The following DCDC1 variants were observed in gnomAD, a reference collection of about 807,000 sequenced individuals.
The protein encoded by DCDC1 is doublecortin domain containing 1, also known as doublecortin domain-containing protein 1.
DCDC1 carries 200 observed loss-of-function variants against 178.3 expected under a neutral mutation model. That is an observed-to-expected ratio of 1.12 (90% CI 1.00 to 1.26). The LOEUF (loss-of-function observed/expected upper bound fraction) is 1.26. Among genes scored for constraint, DCDC1 ranks in the 50% most tolerant of loss-of-function variants. The pLI is 0.00. For synonymous variants in DCDC1, 690 were observed against 604.8 expected (o/e 1.14, Z -2.07); for missense variants, 1,983 against 1,749.2 (o/e 1.13, Z -2.38).
At chr11:30,911,067 G>T (rs945556729) in intron 28 of DCDC1, among the ~76,000 whole-genome samples, 14 of 152,068 alleles carry the variant, frequency 9.2e-5, no homozygotes, top group Admixed American at 8.5e-4. Flanking sequence ...TCTCATGCTT[G>T]CCATTGGGTT....
Position 31,094,250 on chromosome 11 carries a change from T to C in DCDC1, c.1984-66A>G, listed in dbSNP as rs968371503. On this transcript the variant is annotated intron_variant, in intron 15 of 38. Coordinates refer to ENST00000684477, the MANE Select transcript of DCDC1 (RefSeq NM_001387274.1). Reference sequence around the variant, plus strand: ...TAAGAGTTAAACTCCTCAACACACTTACCCAAAATAAGTTATCCTAGAACA... The same window carrying C: ...TAAGAGTTAAACTCCTCAACACACTCACCCAAAATAAGTTATCCTAGAACA... 4.2e-5 allele frequency: 31 copies of C among 734,384 alleles called. No homozygotes were observed. In the Admixed American group the frequency reaches 4.8e-4, roughly 11 times the overall value. The allele number at this position is 734,384 out of a possible 1,614,324, so 45.5% of individuals were successfully genotyped here.
chr11:30,889,597 A>G (rs890753788), intron 36 of DCDC1, among the ~76,000 whole-genome samples: 4 of 152,122 alleles, frequency 2.6e-5, no homozygotes, highest in African/African-American at 9.7e-5. Flanking sequence ...CTCCAGAGGT[A>G]TTTTATACAG....
In DCDC1 at chr11:31,104,532, A is replaced by G. The variant is rs915451481; in HGVS notation, c.1752-763T>C. Among the ~76,000 whole-genome samples the G allele has an allele frequency of 3.3e-5, 5 of 152,180 alleles. No homozygotes were observed. In the South Asian group the frequency reaches 1.0e-3, roughly 31 times the overall value. On this transcript the variant is annotated intron_variant, in intron 13 of 38. Coordinates refer to ENST00000684477, the MANE Select transcript of DCDC1 (RefSeq NM_001387274.1). ...ACAAAAGATTAAAAGAATATTCTAG[A>G]TTAAAGACAACTAAAGAAAATAACT...
At chr11:31,174,028 G>C (rs1300456868) in intron 9 of DCDC1, among the ~76,000 whole-genome samples, 1 of 152,164 alleles carries the variant, frequency 6.6e-6, no homozygotes, top group African/African-American at 2.4e-5. Context: ...ACCCTTCTGA[G>C]TTTTCAGGGC....
intron 21 of DCDC1, among the ~76,000 whole-genome samples, chr11:30,938,635 T>A (rs1947430324): frequency 6.6e-6 from 1 of 152,210 alleles, no homozygotes; most frequent in South Asian, 2.1e-4. Context: ...TGGGGTTTTA[T>A]TATTCACATA....
At chr11:30,989,801 G>A (rs1950872167) in intron 20 of DCDC1, among the ~76,000 whole-genome samples, 1 of 152,110 alleles carries the variant, frequency 6.6e-6, no homozygotes, top group Non-Finnish European at 1.5e-5. Context: ...TGAATGCTGT[G>A]GGATGCCAAA....
chr11:31,227,149 T>C (rs578175293), intron 9 of DCDC1, among the ~76,000 whole-genome samples: 2 of 152,178 alleles, frequency 1.3e-5, no homozygotes, highest in East Asian at 1.9e-4. Flanking sequence ...TTAGGCCATT[T>C]TTGCATTGCT....
intron 9 of DCDC1, among the ~76,000 whole-genome samples, chr11:31,168,764 C>T (rs1384138299): frequency 6.6e-6 from 1 of 151,362 alleles, no homozygotes; most frequent in Non-Finnish European, 1.5e-5. Context: ...AGTACCTACT[C>T]AGATTGTTGT....
intron 20 of DCDC1, among the ~76,000 whole-genome samples, chr11:31,062,094 C>T (rs1285767282): frequency 1.3e-5 from 2 of 152,006 alleles, no homozygotes; most frequent in Admixed American, 1.3e-4. Context: ...TCATGAGGGC[C>T]AGGTACAGCA....
At chr11:31,313,723 A>T (rs1384753557) in intron 3 of DCDC1, among the ~76,000 whole-genome samples, 1 of 152,152 alleles carries the variant, frequency 6.6e-6, no homozygotes, top group South Asian at 2.1e-4. Flanking sequence ...GCCCATATGT[A>T]GTCTCCGTGA....
intron 20 of DCDC1, among the ~76,000 whole-genome samples, chr11:31,026,753 A>T (rs1205575674): frequency 6.6e-6 from 1 of 151,876 alleles, no homozygotes; most frequent in Non-Finnish European, 1.5e-5. Context: ...TTAAAGGAAG[A>T]CTATCTTCAT....
chr11:31,252,897 G>C (rs1261600808), intron 8 of DCDC1, among the ~76,000 whole-genome samples: 2 of 151,978 alleles, frequency 1.3e-5, no homozygotes, highest in African/African-American at 2.4e-5. Flanking sequence ...ATTTAGAGGA[G>C]ATTCATGAAC....
chr11:31,344,757 C>CTATATATAG (rs1397416901), intron 1 of DCDC1, among the ~76,000 whole-genome samples: 4 of 152,108 alleles, frequency 2.6e-5, no homozygotes, highest in Non-Finnish European at 4.4e-5. Flanking sequence ...TTCTTGCCTT[C>CTATATATAG]TATATATAGG....
intron 20 of DCDC1, among the ~76,000 whole-genome samples, chr11:31,007,984 T>C (rs1485685660): frequency 6.6e-6 from 1 of 152,042 alleles, no homozygotes; most frequent in African/African-American, 2.4e-5. Flanking sequence ...GCTTTTAATA[T>C]GACAGTAGAG....
At chr11:31,323,588 C>T (rs1949490900) in intron 3 of DCDC1, among the ~76,000 whole-genome samples, 1 of 151,778 alleles carries the variant, frequency 6.6e-6, no homozygotes, top group African/African-American at 2.4e-5. Flanking sequence ...GGCATTTAAA[C>T]CTTCCTGAAG....
At chr11:31,010,775 T>G (rs1041968715) in intron 20 of DCDC1, among the ~76,000 whole-genome samples, 1 of 152,204 alleles carries the variant, frequency 6.6e-6, no homozygotes, top group Admixed American at 6.5e-5. Context: ...TTTTAAATAA[T>G]TTTTGTCTTG....
intron 9 of DCDC1, among the ~76,000 whole-genome samples, chr11:31,240,943 ACT>A (rs1290645803): frequency 1.3e-5 from 2 of 151,880 alleles, no homozygotes; most frequent in Non-Finnish European, 2.9e-5. Flanking sequence ...AAATAAACTA[ACT>A]CTGTTTCTAT....
chr11:30,943,876 G>A (rs141831860), intron 21 of DCDC1: 3 of 280,654 alleles, frequency 1.1e-5, no homozygotes, highest in South Asian at 7.2e-5. Context: ...ACCACTGAGA[G>A]GTACATAGTT....
rs187556201 is a variant in DCDC1 at position 31,343,504 on chromosome 11, T to C, written c.-124-7940A>G. On this transcript the variant is annotated intron_variant, in intron 1 of 38. Transcript: ENST00000684477. The stretch of plus-strand genomic sequence containing the variant: ...GTATTTTTAGTAGAGATGGGGTTTC[T>C]CCATGTTGGTCAGGCTGGTCTCAAA... 9.2e-5 allele frequency among the ~76,000 whole-genome samples: 14 copies of C among 152,122 alleles called. No homozygotes were observed. The East Asian group carries it at 2.5e-3, about 27-fold the overall frequency.
Sources: gnomAD v4.1 joint callset for allele counts (sites outside exome capture counted in the v4.1 genomes callset) on GRCh38, gnomAD v4.1.1 for gene constraint, MANE v1.5 for transcripts, NCBI Gene and HGNC (gene_info 2026-07-23, HGNC 2026-07-21) for gene names.